Variants in PEF1 observed in about 807,000 individuals in gnomAD.
PEF1 encodes peflin.
Under a neutral mutation model 32.0 loss-of-function variants are expected in PEF1, and 17 were observed. The observed-to-expected ratio is 0.53, with a 90% CI of 0.36 to 0.80. PEF1 has a LOEUF of 0.80. PEF1 is among the 30% of genes least tolerant of loss of function. PEF1 has a pLI of 0.00. For synonymous variants in PEF1, 130 were observed against 139.8 expected (o/e 0.93, Z 0.50); for missense variants, 362 against 369.1 (o/e 0.98, Z 0.16).
At chr1:31,639,966 C>T (rs898938608) in intron 1 of PEF1, among the ~76,000 whole-genome samples, 6 of 152,200 alleles carry the variant, frequency 3.9e-5, no homozygotes, top group African/African-American at 1.4e-4. Flanking sequence ...GCATCCCTGA[C>T]TCCACGTTCT....
chr1:31,641,607 A>G (rs1640392137), intron 1 of PEF1, among the ~76,000 whole-genome samples: 1 of 152,154 alleles, frequency 6.6e-6, no homozygotes, highest in Admixed American at 6.5e-5. Context: ...TACCTGCTTC[A>G]TGGGCTTTGT....
intron 4 of PEF1, among the ~76,000 whole-genome samples, 177 bp from the exon 5 acceptor site, chr1:31,631,019 G>A (rs112387640): frequency 5.3e-5 from 8 of 152,342 alleles, no homozygotes; most frequent in Non-Finnish European, 7.3e-5. Flanking sequence ...AACAGGGACC[G>A]TGTCTGGATG....
At chr1:31,630,932 G>T in intron 4 of PEF1, 90 bp from the exon 5 acceptor site, 2 of 1,095,536 alleles carry the variant, frequency 1.8e-6, no homozygotes, top group South Asian at 1.4e-5. Context: ...ACAGTTCAAG[G>T]AACTTCGAGA....
In PEF1 at chr1:31,635,278, T is replaced by C. The variant is rs145077126; in HGVS notation, c.269A>G (p.Tyr90Cys). Residue 90 changes from tyrosine (Y) to cysteine (C), a missense_variant, in exon 2 of 5, where the codon TAT becomes TGT. Transcript: ENST00000373703. ...GTAGGAACTTGGAGGTGGCTGACCA[T>C]AGGGGCCCCCGGGAGCTGCACCGCC... ...PYGGAAPGGP[Y>C]GQPPPSSYGA... is the part of the protein sequence containing the mutation. 6.9e-5 allele frequency: 112 copies of C among 1,614,074 alleles called. 1 individual carries two copies. The African/African-American group carries it at 1.2e-3, about 17-fold the overall frequency.
At chr1:31,644,570 C>A in intron 1 of PEF1, 1 of 1,410,270 alleles carries the variant, frequency 7.1e-7, no homozygotes, top group Non-Finnish European at 9.2e-7. Flanking sequence ...CCCAGGCCAG[C>A]GCCAGCCTGG....
chr1:31,644,782 C>T, intron 1 of PEF1, 59 bp downstream of exon 1: 1 of 1,612,354 alleles, frequency 6.2e-7, no homozygotes, highest in Non-Finnish European at 8.5e-7. Context: ...AGCAGGGGGA[C>T]GTCGGGCCTG....
chr1:31,638,864 A>C (rs1640322906), intron 1 of PEF1, among the ~76,000 whole-genome samples: 1 of 152,274 alleles, frequency 6.6e-6, no homozygotes, highest in Non-Finnish European at 1.5e-5. Context: ...TCAGAGTGAC[A>C]ATATTGTACT....
chr1:31,636,160 C>T (rs1640247245), intron 1 of PEF1, among the ~76,000 whole-genome samples: 1 of 152,146 alleles, frequency 6.6e-6, no homozygotes, highest in Non-Finnish European at 1.5e-5. Flanking sequence ...AACAGCTAGG[C>T]GTGGTGGCTC....
chr1:31,644,780 G>A (rs1476974046), intron 1 of PEF1, 61 bp downstream of exon 1: 41 of 1,612,262 alleles, frequency 2.5e-5, no homozygotes, highest in Non-Finnish European at 3.4e-5. Context: ...AGAGCAGGGG[G>A]ACGTCGGGCC....
intron 1 of PEF1, among the ~76,000 whole-genome samples, chr1:31,643,351 T>A (rs914177294): frequency 1.3e-5 from 2 of 152,242 alleles, no homozygotes; most frequent in Admixed American, 6.5e-5. Context: ...AAAACTTTAG[T>A]TAACTACAGA....
chr1:31,633,082 CACCCACCT>C, intron 3 of PEF1, 69 bp downstream of exon 3: 2 of 1,492,358 alleles, frequency 1.3e-6, no homozygotes, highest in Non-Finnish European at 1.8e-6. Flanking sequence ...AATGTCCACC[CACCCACCT>C]ACCCACCTAC....
In PEF1 at chr1:31,630,629, G is replaced by T. The variant is rs1640069051; in HGVS notation, c.839C>A (p.Ala280Asp). ...LSFEDFVTMT[A>D]SRML Reference sequence around the variant, plus strand: ...ATGGTTGGGTCATAGCATCCGAGAAGCTGTCATGGTGACGAAGTCCTCGAA... The same window carrying T: ...ATGGTTGGGTCATAGCATCCGAGAATCTGTCATGGTGACGAAGTCCTCGAA... Residue 280 changes from alanine to aspartate, a missense_variant, in exon 5 of 5, where the codon GCT becomes GAT. Ala to Asp is a moderately radical substitution (Grantham distance 126). Transcript: ENST00000373703. 1 of 1,612,348 alleles carries T rather than the reference G, an allele frequency of 6.2e-7. No individual in the cohort carries two copies. Among genetic ancestry groups the T allele is most frequent in the Non-Finnish European group, 8.5e-7 (1 of 1,180,034 alleles).
Position 31,633,150 on chromosome 1 carries a change from G to A in PEF1, c.481+9C>T, listed in dbSNP as rs775591879. The A allele has an allele frequency of 6.2e-7, 1 of 1,611,624 alleles. No individual in the cohort carries two copies. The highest frequency in any genetic ancestry group is 2.2e-5 in the East Asian group (1 of 44,860). On this transcript the variant is annotated intron_variant, in intron 3 of 4. Coordinates refer to ENST00000373703, the MANE Select transcript of PEF1 (RefSeq NM_012392.4). ...CCAGCTCAGGCCCAAGGGCAAGGCG[G>A]AGACTCACTTATCATCATGAGGCAG...
intron 1 of PEF1, among the ~76,000 whole-genome samples, chr1:31,641,656 A>G (rs1026937341): frequency 6.6e-6 from 1 of 151,884 alleles, no homozygotes; most frequent in Non-Finnish European, 1.5e-5. Context: ...TCCTTTCTTC[A>G]CTCAGCTAAT....
Position 31,633,266 on chromosome 1 carries a change from G to T in PEF1, c.374C>A (p.Ser125Ter). The T allele has an allele frequency of 6.2e-7, 1 of 1,613,948 alleles. No homozygotes were observed. Among genetic ancestry groups the T allele is most frequent in the African/African-American group, 1.3e-5 (1 of 75,040 alleles). Reference sequence around the variant, plus strand: ...ATAGCCACTGTGATCTGAGTCCACCGACTGGAACCAGGAGTAGGCCTCAGG... The same window carrying T: ...ATAGCCACTGTGATCTGAGTCCACCTACTGGAACCAGGAGTAGGCCTCAGG... ...VDPEAYSWFQ[S>*]VDSDHSGYIS... The change falls in exon 3 of 5, where the codon TCG becomes TAG. Residue 125 changes from serine (S) to a stop codon, truncating the protein, a stop_gained. Coordinates refer to ENST00000373703, the MANE Select transcript of PEF1 (RefSeq NM_012392.4). LOFTEE classifies it high-confidence loss of function.
At position 31,630,210 on chromosome 1, in the gene PEF1, T is replaced by C. The variant is rs1037023332; in HGVS notation, c.*403A>G. 2.4e-5 allele frequency: 6 copies of C among 249,068 alleles called. No homozygotes were observed. The highest frequency in any genetic ancestry group is 4.4e-5 in the African/African-American group (2 of 45,676). 15.4% of individuals were successfully genotyped at this position (249,068 alleles called of 1,614,324 possible). On this transcript the variant is annotated 3_prime_UTR_variant, in exon 5 of 5. Transcript: ENST00000373703. ...TTCCACTTTGGAGAAAATGGGCTCG[T>C]TTGACAGGATGGCCTGGTGAGGGAA...
At chr1:31,632,338 A>C (rs1411746553) in intron 4 of PEF1, 157 bp downstream of exon 4, 4 of 1,309,084 alleles carry the variant, frequency 3.1e-6, no homozygotes, top group Non-Finnish European at 4.4e-6. Context: ...CAGCTGGGTC[A>C]AAGAAGGGGT....
intron 1 of PEF1, 153 bp downstream of exon 1, chr1:31,644,687 AC>A: frequency 6.7e-7 from 1 of 1,489,666 alleles, no homozygotes; most frequent in South Asian, 1.3e-5. Flanking sequence ...GGCGCGACCG[AC>A]GGTCCCTTTT....
intron 1 of PEF1, among the ~76,000 whole-genome samples, chr1:31,637,985 G>A (rs1223476658): frequency 6.6e-6 from 1 of 152,212 alleles, no homozygotes; most frequent in Non-Finnish European, 1.5e-5. Flanking sequence ...GGGTATAAAG[G>A]AGAGTGAAGC....
Sources: allele counts gnomAD v4.1 joint callset (sites outside exome capture counted in the v4.1 genomes callset), GRCh38; gene constraint gnomAD v4.1.1; transcripts MANE v1.5; gene names NCBI Gene and HGNC (gene_info 2026-07-23, HGNC 2026-07-21).